The following SLX4IP variants were observed in gnomAD, a reference collection of about 807,000 sequenced individuals.
SLX4IP encodes the protein SLX4 interacting protein.
Under a neutral mutation model 32.9 loss-of-function variants are expected in SLX4IP, and 34 were observed. The observed-to-expected ratio is 1.03, with a 90% CI of 0.79 to 1.38. SLX4IP has a LOEUF of 1.38. Ranked by LOEUF, SLX4IP falls within the 40% of genes most tolerant of loss-of-function variation. SLX4IP has a pLI of 0.00. For missense variants in SLX4IP, 444 were observed against 479.0 expected (o/e 0.93, Z 0.68); for synonymous variants, 172 against 171.7 (o/e 1.00, Z -0.01).
intron 6 of SLX4IP, among the ~76,000 whole-genome samples, chr20:10,616,507 T>A (rs1458964944): frequency 1.3e-5 from 2 of 151,968 alleles, no homozygotes; most frequent in Non-Finnish European, 2.9e-5. Flanking sequence ...ATGCCATCCT[T>A]ACAAAAGTCA....
chr20:10,543,128 T>A (rs2066125864), intron 2 of SLX4IP, among the ~76,000 whole-genome samples: 1 of 152,254 alleles, frequency 6.6e-6, no homozygotes, highest in Admixed American at 6.5e-5. Context: ...TAGATTCATT[T>A]CATTAATATT....
At chr20:10,447,290 G>GTT (rs5840376) in intron 1 of SLX4IP, among the ~76,000 whole-genome samples, 7 of 151,868 alleles carry the variant, frequency 4.6e-5, no homozygotes, top group Non-Finnish European at 1.0e-4. Context: ...CAGTACGTTA[G>GTT]TTTTTTTACC....
intron 2 of SLX4IP, among the ~76,000 whole-genome samples, chr20:10,475,055 A>T (rs1023822047): frequency 6.6e-6 from 1 of 152,094 alleles, no homozygotes; most frequent in Non-Finnish European, 1.5e-5. Flanking sequence ...CTTCATTGGG[A>T]ATATTATCTG....
chr20:10,503,841 G>GTCAT (rs1239864988), intron 2 of SLX4IP, among the ~76,000 whole-genome samples: 2 of 152,106 alleles, frequency 1.3e-5, no homozygotes, highest in Admixed American at 6.5e-5. Flanking sequence ...CTTTGCCTCT[G>GTCAT]TCATTACACA....
chr20:10,549,701 A>G (rs1288293368), intron 2 of SLX4IP, among the ~76,000 whole-genome samples: 4 of 152,148 alleles, frequency 2.6e-5, no homozygotes, highest in African/African-American at 7.2e-5. Flanking sequence ...TGCCTGTGTA[A>G]TCTTGGACTA....
intron 2 of SLX4IP, among the ~76,000 whole-genome samples, chr20:10,515,701 A>C (rs1006667765): frequency 1.3e-5 from 2 of 152,254 alleles, no homozygotes; most frequent in African/African-American, 2.4e-5. Context: ...TTAGTTCACT[A>C]GCCTGAATAT....
chr20:10,456,951 C>T (rs1367829533), intron 1 of SLX4IP, among the ~76,000 whole-genome samples: 1 of 152,078 alleles, frequency 6.6e-6, no homozygotes, highest in African/African-American at 2.4e-5. Context: ...TTTTGCTATG[C>T]TTATTCCTAA....
rs954157633 is a variant in SLX4IP, at chr20:10,451,996, A to G, written c.-29-6180A>G. On this transcript the variant is annotated intron_variant, in intron 1 of 7. Transcript: ENST00000334534. Reference sequence around the variant, plus strand: ...AACATAAAATAAAATAAAATAGATTATTCAAATTAACTTTATCTGTTTCTG... The same window carrying G: ...AACATAAAATAAAATAAAATAGATTGTTCAAATTAACTTTATCTGTTTCTG... Among the ~76,000 whole-genome samples the G allele has an allele frequency of 2.6e-5, 4 of 152,298 alleles. No homozygotes were observed. The South Asian group carries it at 8.3e-4, about 32-fold the overall frequency.
At chr20:10,439,056 A>G (rs1306010761) in intron 1 of SLX4IP, among the ~76,000 whole-genome samples, 3 of 151,906 alleles carry the variant, frequency 2.0e-5, no homozygotes, top group Non-Finnish European at 2.9e-5. Flanking sequence ...TTGATAGTTT[A>G]TTCCTTTTTA....
intron 5 of SLX4IP, among the ~76,000 whole-genome samples, chr20:10,601,262 G>A (rs1381234936): frequency 3.3e-5 from 5 of 152,106 alleles, no homozygotes; most frequent in Admixed American, 6.5e-5. Flanking sequence ...CTCCAGGGTC[G>A]GGGAGCTCTC....
Position 10,623,218 on chromosome 20 carries a change from A to C in SLX4IP, c.1066A>C (p.Lys356Gln). ...LKQDLAKTTS[K>Q]EELHVLESLS... ...ACAAGATTTGGCAAAAACCACGTCT[A>C]AGGAAGAGTTGCATGTTTTGGAAAG... The change falls in exon 8 of 8, where the codon AAG becomes CAG. Residue 356 changes from lysine to glutamine, a missense_variant. Coordinates refer to ENST00000334534, the MANE Select transcript of SLX4IP (RefSeq NM_001009608.3). The C allele has an allele frequency of 6.2e-7, 1 of 1,614,216 alleles. No individual in the cohort carries two copies. The highest frequency in any genetic ancestry group is 8.5e-7 in the Non-Finnish European group (1 of 1,180,030).
chr20:10,464,667 A>C (rs1412897753), intron 2 of SLX4IP, among the ~76,000 whole-genome samples: 21 of 152,232 alleles, frequency 1.4e-4, no homozygotes, highest in African/African-American at 2.4e-5. Flanking sequence ...ATGAACACCA[A>C]ATAGTTTGAC....
chr20:10,499,966 T>C (rs533117863), intron 2 of SLX4IP, among the ~76,000 whole-genome samples: 1 of 152,176 alleles, frequency 6.6e-6, no homozygotes, highest in African/African-American at 2.4e-5. Flanking sequence ...GGTTAAAACA[T>C]GGTTATTGTA....
chr20:10,462,314 C>T (rs2065344502), intron 2 of SLX4IP, among the ~76,000 whole-genome samples: 1 of 152,162 alleles, frequency 6.6e-6, no homozygotes, highest in Admixed American at 6.5e-5. Context: ...AGGATACAAA[C>T]TTCCTGTTTG....
Position 10,488,098 on chromosome 20 carries a change from C to A in SLX4IP, c.27+29867C>A, listed in dbSNP as rs190355382. On this transcript the variant is annotated intron_variant, in intron 2 of 7. Coordinates refer to ENST00000334534, the MANE Select transcript of SLX4IP (RefSeq NM_001009608.3). Reference sequence around the variant, plus strand: ...TCTCTCCCCAGGTCCCAACAGAGTTCTGCTCATAGTCCTTATTATGGGTTG... The same window carrying A: ...TCTCTCCCCAGGTCCCAACAGAGTTATGCTCATAGTCCTTATTATGGGTTG... Among the ~76,000 whole-genome samples, 134 of 152,250 alleles carry A rather than the reference C, an allele frequency of 8.8e-4. 1 individual carries two copies. The highest frequency in any genetic ancestry group is 2.9e-3 in the African/African-American group (119 of 41,540).
rs190310341 is a variant in SLX4IP, at chr20:10,442,641, A to G, written c.-30+7188A>G. Among the ~76,000 whole-genome samples the G allele has an allele frequency of 4.7e-3, 717 of 152,358 alleles. 16 individuals are homozygous for G. The South Asian group carries it at 0.069, about 15-fold the overall frequency. The stretch of plus-strand genomic sequence containing the variant: ...AAACAGGCAACAAAATAAAAATGCC[A>G]CTGAATTTAGACTTGAATTGCCAGC... On this transcript the variant is annotated intron_variant, in intron 1 of 7. Transcript: ENST00000334534.
intron 4 of SLX4IP, among the ~76,000 whole-genome samples, chr20:10,575,943 G>C (rs1651206829): frequency 6.6e-6 from 1 of 152,128 alleles, no homozygotes; most frequent in South Asian, 2.1e-4. Context: ...AAGGATGAGT[G>C]AAGAGGCCTT....
At chr20:10,513,657 T>C (rs775158576) in intron 2 of SLX4IP, among the ~76,000 whole-genome samples, 49 of 152,218 alleles carry the variant, frequency 3.2e-4, no homozygotes, top group Non-Finnish European at 5.9e-4. Context: ...GCCTTTTGCA[T>C]TAGAGCTGCC....
chr20:10,536,528 A>G (rs2066046411), intron 2 of SLX4IP, among the ~76,000 whole-genome samples: 1 of 152,234 alleles, frequency 6.6e-6, no homozygotes, highest in Non-Finnish European at 1.5e-5. Flanking sequence ...CATGTGTGAC[A>G]CTCAGAAGCC....
Sources: allele counts gnomAD v4.1 joint callset (sites outside exome capture counted in the v4.1 genomes callset), GRCh38; gene constraint gnomAD v4.1.1; transcripts MANE v1.5; gene names NCBI Gene and HGNC (gene_info 2026-07-23, HGNC 2026-07-21).